Variants in PRKCH observed in about 807,000 individuals in gnomAD.
PRKCH encodes protein kinase C eta type.
In PRKCH, 28 loss-of-function variants were observed where a neutral mutation model predicts 82.5. The observed-to-expected ratio is 0.34, with a 90% CI of 0.25 to 0.47. PRKCH has a LOEUF of 0.47. PRKCH is among the 20% of genes least tolerant of loss of function. PRKCH has a pLI of 1.00. For synonymous variants in PRKCH, 322 were observed against 327.4 expected (o/e 0.98, Z 0.18); for missense variants, 705 against 881.8 (o/e 0.80, Z 2.54).
chr14:61,480,266 A>G (rs1885914288), intron 9 of PRKCH, among the ~76,000 whole-genome samples: 1 of 152,224 alleles, frequency 6.6e-6, no homozygotes, highest in Admixed American at 6.5e-5. Context: ...GTGACTCACT[A>G]CAACCATAAT....
intron 10 of PRKCH, among the ~76,000 whole-genome samples, chr14:61,487,359 A>G (rs1246875811): frequency 2.0e-5 from 3 of 152,184 alleles, no homozygotes; most frequent in Non-Finnish European, 4.4e-5. Flanking sequence ...CAGCAGGTTG[A>G]TTAGGCAGCT....
chr14:61,340,761 C>T (rs1050061126), intron 1 of PRKCH, among the ~76,000 whole-genome samples: 1 of 152,156 alleles, frequency 6.6e-6, no homozygotes, highest in African/African-American at 2.4e-5. Flanking sequence ...GTCAACATGT[C>T]CACAATTAAA....
intron 2 of PRKCH, among the ~76,000 whole-genome samples, chr14:61,428,921 T>A (rs1430667471): frequency 6.6e-6 from 1 of 152,212 alleles, no homozygotes; most frequent in African/African-American, 2.4e-5. Flanking sequence ...GAGCAAGATA[T>A]GTGTAACTAT....
At chr14:61,361,312 TG>T (rs1288132478) in intron 1 of PRKCH, 1 of 152,194 alleles carries the variant, frequency 6.6e-6, no homozygotes, top group Admixed American at 6.5e-5. Context: ...AGCTGTAAGT[TG>T]GGGTATAGTG....
At chr14:61,223,209 G>A (rs76953831) in intron 1 of PRKCH, among the ~76,000 whole-genome samples, 1,973 of 152,304 alleles carry the variant, frequency 0.013, 32 homozygotes, top group African/African-American at 0.045. Context: ...TCCAGGTAGA[G>A]GGAGAAGGAA....
intron 1 of PRKCH, among the ~76,000 whole-genome samples, chr14:61,190,617 G>C (rs2044400481): frequency 6.6e-6 from 1 of 152,154 alleles, no homozygotes; most frequent in Admixed American, 6.5e-5. Flanking sequence ...ACGAAGGCTT[G>C]CCCGTGTGGT....
At position 61,262,319 on chromosome 14, in the gene PRKCH, G is replaced by C. The variant is rs949216229; in HGVS notation, c.-19+74651G>C. On this transcript the variant is annotated intron_variant, in intron 1 of 3. Coordinates refer to the PRKCH transcript ENST00000555185. ...CATAGTAGAAAGGAAGGATAATCAA[G>C]TTGCATATTCATACAACAAAACACT... Among the ~76,000 whole-genome samples, 6 of 151,638 alleles carry C rather than the reference G, an allele frequency of 4.0e-5. No individual in the cohort carries two copies. In the South Asian group the frequency reaches 1.2e-3, roughly 32 times the overall value.
At chr14:61,422,588 T>TC (rs917598785) in intron 2 of PRKCH, among the ~76,000 whole-genome samples, 2 of 152,282 alleles carry the variant, frequency 1.3e-5, no homozygotes, top group Admixed American at 6.5e-5. Context: ...TGCTCCAGAT[T>TC]CCCCGGGCAC....
intron 9 of PRKCH, among the ~76,000 whole-genome samples, chr14:61,478,750 C>T (rs1216371390): frequency 1.3e-5 from 2 of 152,014 alleles, no homozygotes; most frequent in Non-Finnish European, 2.9e-5. Context: ...GTCCCAGCCG[C>T]ACAGGAGGCT....
intron 12 of PRKCH, among the ~76,000 whole-genome samples, chr14:61,533,341 T>G (rs10147700): frequency 0.11 from 15,944 of 150,348 alleles, 1,024 homozygotes; most frequent in African/African-American, 0.18. Flanking sequence ...TTTTTTTTTT[T>G]TTTGTGCATT....
intron 1 of PRKCH, among the ~76,000 whole-genome samples, chr14:61,360,387 C>G (rs1316757246): frequency 6.6e-6 from 1 of 152,022 alleles, no homozygotes; most frequent in Non-Finnish European, 1.5e-5. Context: ...CGCCTGTAAT[C>G]CCAGCTACTC....
chr14:61,534,704 T>C (rs150549521), intron 12 of PRKCH, among the ~76,000 whole-genome samples: 3 of 152,244 alleles, frequency 2.0e-5, no homozygotes, highest in Admixed American at 6.5e-5. Flanking sequence ...TCCTCATCTG[T>C]AGATGAGGAA....
intron 5 of PRKCH, among the ~76,000 whole-genome samples, 184 bp from the exon 6 acceptor site, chr14:61,450,658 T>C (rs1013095845): frequency 6.6e-6 from 1 of 152,206 alleles, no homozygotes; most frequent in Admixed American, 6.5e-5. Flanking sequence ...TCCTGTTCAT[T>C]AGAAAATGTG....
intron 1 of PRKCH, among the ~76,000 whole-genome samples, chr14:61,367,358 G>A (rs1594950985): frequency 1.4e-5 from 2 of 140,544 alleles, no homozygotes. Flanking sequence ...GTGTGTGTGT[G>A]TATGTGTGTG....
At chr14:61,349,915 G>A (rs907234844) in intron 1 of PRKCH, among the ~76,000 whole-genome samples, 2 of 152,048 alleles carry the variant, frequency 1.3e-5, no homozygotes, top group African/African-American at 4.8e-5. Context: ...TCACTCTTAT[G>A]TTCATGGTTG....
intron 9 of PRKCH, among the ~76,000 whole-genome samples, chr14:61,459,701 A>T (rs1884943472): frequency 6.6e-6 from 1 of 152,240 alleles, no homozygotes. Context: ...TCCGAAAGAA[A>T]CAAGTATTGC....
At chr14:61,429,742 C>G (rs1883295207) in intron 2 of PRKCH, among the ~76,000 whole-genome samples, 1 of 152,076 alleles carries the variant, frequency 6.6e-6, no homozygotes, top group African/African-American at 2.4e-5. Context: ...AGAGAGGAAG[C>G]AGAAACAATG....
At chr14:61,495,641 G>A (rs1304540590) in intron 10 of PRKCH, among the ~76,000 whole-genome samples, 6 of 152,156 alleles carry the variant, frequency 3.9e-5, no homozygotes, top group East Asian at 1.9e-4. Context: ...TCCTGCCCTC[G>A]AGCTTGGGGT....
chr14:61,523,343 T>C (rs12586812), intron 10 of PRKCH, among the ~76,000 whole-genome samples: 40,647 of 152,182 alleles, frequency 0.27, 5,925 homozygotes, highest in African/African-American at 0.39. Flanking sequence ...CATCTTAGAA[T>C]ATTTATTGAT....
Sources: gnomAD v4.1 joint callset for allele counts (sites outside exome capture counted in the v4.1 genomes callset) on GRCh38, gnomAD v4.1.1 for gene constraint, MANE v1.5 for transcripts, NCBI Gene and HGNC (gene_info 2026-07-23, HGNC 2026-07-21) for gene names.